Variants in ZNF385D observed in about 807,000 individuals in gnomAD.
ZNF385D encodes the protein zinc finger protein 659.
A neutral mutation model predicts 35.8 loss-of-function variants in ZNF385D; 15 were observed. The ratio of observed to expected loss-of-function variants is 0.42; its 90% CI spans 0.28 to 0.64. ZNF385D has a LOEUF of 0.64. Ranked by LOEUF, ZNF385D falls within the 30% of genes least tolerant of loss-of-function variation. ZNF385D has a pLI of 0.23. For synonymous variants in ZNF385D, 212 were observed against 186.8 expected (o/e 1.13, Z -1.10); for missense variants, 474 against 494.6 (o/e 0.96, Z 0.39).
At chr3:22,039,509 G>A (rs1466829202) in intron 3 of ZNF385D, among the ~76,000 whole-genome samples, 1 of 152,012 alleles carries the variant, frequency 6.6e-6, no homozygotes, top group Admixed American at 6.6e-5. Flanking sequence ...TACTCAAAAT[G>A]TAACCTAAAT....
intron 3 of ZNF385D, among the ~76,000 whole-genome samples, chr3:21,538,304 G>A (rs1007092): frequency 0.011 from 1,673 of 152,160 alleles, 24 homozygotes; most frequent in African/African-American, 0.038. Flanking sequence ...CTGGAAGTCT[G>A]TATTGATAAC....
intron 3 of ZNF385D, among the ~76,000 whole-genome samples, chr3:21,995,113 A>G (rs144147309): frequency 6.6e-6 from 1 of 152,330 alleles, no homozygotes; most frequent in African/African-American, 2.4e-5. Context: ...GACATCATTT[A>G]TATCAGTAGC....
intron 4 of ZNF385D, among the ~76,000 whole-genome samples, chr3:21,485,465 TCTGGCACATCAAGGGACCTGGAATGC>T (rs1341066509): frequency 6.6e-6 from 1 of 152,152 alleles, no homozygotes; most frequent in African/African-American, 2.4e-5. Flanking sequence ...TTCTTACCTT[TCTGGCACATCAAGGGACCTGGAATGC>T]CTTGGCACTC....
chr3:22,139,639 T>C (rs1331718967), intron 3 of ZNF385D, among the ~76,000 whole-genome samples: 1 of 151,874 alleles, frequency 6.6e-6, no homozygotes, highest in Non-Finnish European at 1.5e-5. Flanking sequence ...GAGGGAGGGA[T>C]AGCATTAGGT....
chr3:22,106,719 CT>C (rs1377562159), intron 3 of ZNF385D, among the ~76,000 whole-genome samples: 1 of 152,178 alleles, frequency 6.6e-6, no homozygotes, highest in Non-Finnish European at 1.5e-5. Context: ...TTGAACCTGT[CT>C]TCCAGAATCC....
intron 6 of ZNF385D, among the ~76,000 whole-genome samples, chr3:21,424,275 T>TTATATATATACTTATATATATATATTTA (rs1575118688): frequency 2.5e-5 from 2 of 79,792 alleles, no homozygotes; most frequent in African/African-American, 4.1e-5. Flanking sequence ...ATATATACTA[T>TTATATATATACTTATATATATATATTTA]TATATATATA....
chr3:21,864,626 T>A, intron 3 of ZNF385D, among the ~76,000 whole-genome samples: 1 of 152,248 alleles, frequency 6.6e-6, no homozygotes, highest in South Asian at 2.1e-4. Flanking sequence ...TAATCAAATA[T>A]GATCATTTTC....
intron 1 of ZNF385D, among the ~76,000 whole-genome samples, chr3:21,736,212 T>C (rs1388305765): frequency 6.6e-6 from 1 of 152,224 alleles, no homozygotes; most frequent in Non-Finnish European, 1.5e-5. Context: ...TGCATGTTTG[T>C]AAACAGCTCA....
At chr3:21,808,203 T>C (rs566943154) in intron 3 of ZNF385D, among the ~76,000 whole-genome samples, 91 of 152,332 alleles carry the variant, frequency 6.0e-4, no homozygotes, top group Non-Finnish European at 9.7e-4. Flanking sequence ...GTTACAAATA[T>C]ATTTTAAAAA....
intron 1 of ZNF385D, among the ~76,000 whole-genome samples, chr3:21,675,305 T>C (rs1220317316): frequency 6.6e-6 from 1 of 151,732 alleles, no homozygotes; most frequent in East Asian, 1.9e-4. Context: ...TGTAAATTTA[T>C]GCTATCTCAT....
At chr3:21,738,744 A>G (rs370923714) in intron 1 of ZNF385D, among the ~76,000 whole-genome samples, 73 of 152,324 alleles carry the variant, frequency 4.8e-4, no homozygotes, top group South Asian at 2.9e-3. Context: ...GGCTTTAACT[A>G]CAGTAAGCAG....
chr3:21,548,389 C>T (rs1046453615), intron 3 of ZNF385D, among the ~76,000 whole-genome samples: 12 of 152,134 alleles, frequency 7.9e-5, no homozygotes, highest in Admixed American at 3.9e-4. Flanking sequence ...GCATTAATGC[C>T]TTCTTGCCTC....
intron 3 of ZNF385D, among the ~76,000 whole-genome samples, chr3:21,938,762 T>C (rs901159835): frequency 2.0e-5 from 3 of 152,212 alleles, no homozygotes; most frequent in African/African-American, 7.2e-5. Context: ...TATGTCCATC[T>C]TTCTATGTGT....
Position 21,599,517 on chromosome 3 carries a change from A to T in ZNF385D, c.166-34833T>A, listed in dbSNP as rs139419222. ...CTACTATTATTGAAAATCTGCCATG[A>T]GCTAATCCTTTTGCTGACTATAATC... On this transcript the variant is annotated intron_variant, in intron 2 of 7. Transcript: ENST00000281523. Among the ~76,000 whole-genome samples the T allele has an allele frequency of 2.0e-5, 3 of 152,304 alleles. No individual in the cohort carries two copies. In the East Asian group the frequency reaches 5.8e-4, roughly 29 times the overall value.
chr3:22,178,626 C>T (rs1400665342), intron 2 of ZNF385D, among the ~76,000 whole-genome samples: 8 of 152,196 alleles, frequency 5.3e-5, no homozygotes, highest in Middle Eastern at 3.4e-3. Context: ...GTTGCCATTG[C>T]TTTTGGTGTT....
At chr3:21,900,666 GA>G (rs1421266396) in intron 3 of ZNF385D, among the ~76,000 whole-genome samples, 4 of 151,872 alleles carry the variant, frequency 2.6e-5, no homozygotes, top group Non-Finnish European at 4.4e-5. Context: ...AAGTTAAATT[GA>G]AAAAATAAAA....
chr3:22,061,577 C>G (rs1184116422), intron 3 of ZNF385D, among the ~76,000 whole-genome samples: 1 of 152,200 alleles, frequency 6.6e-6, no homozygotes, highest in African/African-American at 2.4e-5. Context: ...GTCTCCAAGA[C>G]TCAGGATCTG....
intron 3 of ZNF385D, among the ~76,000 whole-genome samples, chr3:22,049,762 T>G (rs1178029914): frequency 1.3e-5 from 2 of 152,188 alleles, no homozygotes; most frequent in African/African-American, 2.4e-5. Context: ...AAATGATATA[T>G]TTTTTGTTCC....
At chr3:22,299,075 C>A (rs1481139209) in intron 2 of ZNF385D, among the ~76,000 whole-genome samples, 1 of 151,824 alleles carries the variant, frequency 6.6e-6, no homozygotes. Context: ...CAGGAGAATG[C>A]CAATAATAAA....
Sources: gnomAD v4.1 joint callset for allele counts (sites outside exome capture counted in the v4.1 genomes callset) on GRCh38, gnomAD v4.1.1 for gene constraint, MANE v1.5 for transcripts, NCBI Gene and HGNC (gene_info 2026-07-23, HGNC 2026-07-21) for gene names.